MTUS2: variants seen among roughly 807,000 people sequenced by gnomAD.
MTUS2 encodes microtubule associated scaffold protein 2, also known as microtubule-associated tumor suppressor candidate 2.
In MTUS2, 40 loss-of-function variants were observed where a neutral mutation model predicts 114.1. The ratio of observed to expected loss-of-function variants is 0.35; its 90% confidence interval spans 0.27 to 0.46. The LOEUF is 0.46. MTUS2 is among the 20% of genes least tolerant of loss of function. MTUS2 has a pLI of 1.00. For missense variants in MTUS2, 1,679 were observed against 1,705.4 expected (o/e 0.98, Z 0.27); for synonymous variants, 688 against 672.0 (o/e 1.02, Z -0.37).
chr13:28,932,384 C>G (rs968769384), intron 2 of MTUS2, among the ~76,000 whole-genome samples: 2 of 152,152 alleles, frequency 1.3e-5, no homozygotes, highest in African/African-American at 4.8e-5. Context: ...CATGCAAATA[C>G]TACACCATTT....
At chr13:29,457,919 T>G in intron 9 of MTUS2, among the ~76,000 whole-genome samples, 1 of 152,314 alleles carries the variant, frequency 6.6e-6, no homozygotes, top group South Asian at 2.1e-4. Context: ...CACTTTTTTT[T>G]AAATGTAGAT....
chr13:29,395,895 T>C (rs897969470), intron 8 of MTUS2, among the ~76,000 whole-genome samples: 1 of 152,240 alleles, frequency 6.6e-6, no homozygotes, highest in Non-Finnish European at 1.5e-5. Context: ...ATCAGTACAC[T>C]GAGAAAGGGA....
At chr13:29,222,067 C>T (rs1205786427) in intron 5 of MTUS2, among the ~76,000 whole-genome samples, 1 of 152,214 alleles carries the variant, frequency 6.6e-6, no homozygotes. Context: ...CCTGCCTCAG[C>T]CTTCCGAGTA....
rs144243443 is a variant in MTUS2 at position 29,079,951 on chromosome 13, T to C, written c.2447-20822T>C. 2.2e-4 allele frequency among the ~76,000 whole-genome samples: 33 copies of C among 152,316 alleles called. No homozygotes were observed. The East Asian group carries it at 6.4e-3, about 29-fold the overall frequency. On this transcript the variant is annotated intron_variant, in intron 4 of 15. Coordinates refer to ENST00000612955, the MANE Select transcript of MTUS2 (RefSeq NM_001033602.4). ...CAGATAAGCCATGTGGCATTTTACA[T>C]AGGAATTGCATTGAATCGGTAGATC...
At chr13:29,418,543 A>G (rs1213147119) in intron 8 of MTUS2, among the ~76,000 whole-genome samples, 3 of 152,224 alleles carry the variant, frequency 2.0e-5, no homozygotes, top group Admixed American at 6.5e-5. Flanking sequence ...GTAGTTCTGC[A>G]TAAGTTAGAT....
At chr13:29,105,607 A>T (rs1356137207) in intron 5 of MTUS2, among the ~76,000 whole-genome samples, 2 of 149,994 alleles carry the variant, frequency 1.3e-5, no homozygotes, top group Non-Finnish European at 3.0e-5. Flanking sequence ...GGGGCAAAGA[A>T]TTTAAAAAAC....
chr13:28,988,207 A>G (rs371067857), intron 2 of MTUS2, among the ~76,000 whole-genome samples: 8 of 152,114 alleles, frequency 5.3e-5, no homozygotes, highest in African/African-American at 1.4e-4. Flanking sequence ...GTGAGGATGT[A>G]TATGGATTAT....
rs150801470 is a variant in MTUS2, at chr13:29,364,029, C to A, written c.3117+4556C>A. Among the ~76,000 whole-genome samples, 12 of 152,310 alleles carry A rather than the reference C, an allele frequency of 7.9e-5. No individual in the cohort carries two copies. In the East Asian group the frequency reaches 2.3e-3, roughly 29 times the overall value. On this transcript the variant is annotated intron_variant, in intron 8 of 15. Coordinates refer to ENST00000612955, the MANE Select transcript of MTUS2 (RefSeq NM_001033602.4). ...CAAGATACAAATACAGGCCAGGCCACACCCAACACTCATGTTTTTCCACTA... is the reference window on the plus strand; with the variant it reads ...CAAGATACAAATACAGGCCAGGCCAAACCCAACACTCATGTTTTTCCACTA...
intron 2 of MTUS2, among the ~76,000 whole-genome samples, chr13:28,910,809 C>T: frequency 8.2e-6 from 1 of 122,506 alleles, no homozygotes; most frequent in African/African-American, 3.1e-5. Flanking sequence ...GATTCCATGT[C>T]TTTGCTATTG....
chr13:29,452,338 AG>A (rs1423945459), intron 9 of MTUS2, among the ~76,000 whole-genome samples: 1 of 152,008 alleles, frequency 6.6e-6, no homozygotes, highest in Non-Finnish European at 1.5e-5. Context: ...TTTTATGTGG[AG>A]GTGTTTGTTT....
chr13:28,998,952 G>T (rs111783017), intron 2 of MTUS2, among the ~76,000 whole-genome samples: 1 of 152,204 alleles, frequency 6.6e-6, no homozygotes, highest in Non-Finnish European at 1.5e-5. Flanking sequence ...TTCCTTTGGA[G>T]GAGGAGAGGC....
intron 8 of MTUS2, chr13:29,428,598 T>TGGCCCCC: frequency 6.4e-6 from 1 of 155,460 alleles, no homozygotes; most frequent in Non-Finnish European, 1.4e-5. Context: ...CCTTCCTGGC[T>TGGCCCCC]CCCGCCCGCC....
chr13:29,455,949 C>T (rs1879079567), intron 9 of MTUS2, among the ~76,000 whole-genome samples: 2 of 151,928 alleles, frequency 1.3e-5, no homozygotes, highest in South Asian at 4.2e-4. Context: ...CCACTGCACT[C>T]CAGTCTGGGC....
chr13:29,391,494 C>G (rs999614425), intron 8 of MTUS2, among the ~76,000 whole-genome samples: 3 of 151,944 alleles, frequency 2.0e-5, no homozygotes, highest in African/African-American at 4.8e-5. Context: ...CATGTAATGC[C>G]CAGAAGGAGA....
intron 5 of MTUS2, among the ~76,000 whole-genome samples, chr13:29,130,610 A>G (rs1891719717): frequency 6.6e-6 from 1 of 151,954 alleles, no homozygotes. Flanking sequence ...TTCAATTTCT[A>G]CACATTTATT....
intron 2 of MTUS2, among the ~76,000 whole-genome samples, chr13:28,938,139 C>T (rs1882013696): frequency 6.6e-6 from 1 of 152,168 alleles, no homozygotes; most frequent in African/African-American, 2.4e-5. Context: ...AATCCCGGCA[C>T]TTTGGGAGGC....
intron 5 of MTUS2, among the ~76,000 whole-genome samples, chr13:29,215,588 G>C (rs1895647945): frequency 6.7e-6 from 1 of 148,796 alleles, no homozygotes; most frequent in African/African-American, 2.5e-5. Context: ...TGATGTTGAT[G>C]TTATTTCTTC....
At chr13:29,272,334 A>G (rs2139507214) in intron 5 of MTUS2, among the ~76,000 whole-genome samples, 1 of 152,302 alleles carries the variant, frequency 6.6e-6, no homozygotes, top group East Asian at 1.9e-4. Flanking sequence ...GAGTAGTTTA[A>G]TGATTATAAT....
intron 5 of MTUS2, among the ~76,000 whole-genome samples, chr13:29,247,018 T>C (rs1896951392): frequency 6.6e-6 from 1 of 152,042 alleles, no homozygotes; most frequent in African/African-American, 2.4e-5. Context: ...CAAACTATAC[T>C]GTAAGGATAT....
Sources: gnomAD v4.1 joint callset for allele counts (sites outside exome capture counted in the v4.1 genomes callset) on GRCh38, gnomAD v4.1.1 for gene constraint, MANE v1.5 for transcripts, NCBI Gene and HGNC (gene_info 2026-07-23, HGNC 2026-07-21) for gene names.